ST8SIA4: variants seen among roughly 807,000 people sequenced by gnomAD.
ST8SIA4 encodes the protein CMP-N-acetylneuraminate-poly-alpha-2,8-sialyltransferase.
ST8SIA4 carries 15 observed loss-of-function variants against 33.9 expected under a neutral mutation model. That is an observed-to-expected ratio of 0.44 (90% confidence interval 0.30 to 0.68). The LOEUF is 0.68. ST8SIA4 is among the 30% of genes least tolerant of loss of function. The pLI is 0.10. For synonymous variants in ST8SIA4, 171 were observed against 151.2 expected, an observed-to-expected ratio of 1.13 and a Z score of -0.96; for missense variants, 321 against 428.0, an observed-to-expected ratio of 0.75 and a Z score of 2.21.
chr5:100,892,046 A>G (rs1410143554), intron 2 of ST8SIA4, among the ~76,000 whole-genome samples: 2 of 152,108 alleles, frequency 1.3e-5, no homozygotes, highest in African/African-American at 4.8e-5. Flanking sequence ...TCATGACACT[A>G]AGAGCTGAAA....
chr5:100,843,858 G>A (rs904643892), intron 4 of ST8SIA4, among the ~76,000 whole-genome samples: 1 of 151,788 alleles, frequency 6.6e-6, no homozygotes, highest in African/African-American at 2.4e-5. Context: ...CAACTTATTT[G>A]CCCCTAAGAA....
At chr5:100,885,597 T>A in intron 3 of ST8SIA4, 2 of 933,458 alleles carry the variant, frequency 2.1e-6, no homozygotes, top group Non-Finnish European at 2.6e-6. Flanking sequence ...ATTTAGCTAA[T>A]TTTTCTAAGG....
rs1306038759 is a variant in ST8SIA4, at chr5:100,897,621, T to A, written c.114-1836A>T. Among the ~76,000 whole-genome samples, 3 of 152,186 alleles carry A rather than the reference T, an allele frequency of 2.0e-5. No individual in the cohort carries two copies. The East Asian group carries it at 5.8e-4, about 29-fold the overall frequency. On this transcript the variant is annotated intron_variant, in intron 1 of 4. Transcript: ENST00000231461. ...CATTGCCTGTGTAACAGCTATTCGATGAATTCTGTAATTGAAGCCTTATAG... is the reference window on the plus strand; with the variant it reads ...CATTGCCTGTGTAACAGCTATTCGAAGAATTCTGTAATTGAAGCCTTATAG...
rs1179828874 is a variant in ST8SIA4, at chr5:100,809,472, A to T, written c.*2375T>A. 1 of 151,830 alleles carries T rather than the reference A, an allele frequency of 6.6e-6. No homozygotes were observed. Among genetic ancestry groups the T allele is most frequent in the Non-Finnish European group, 1.5e-5 (1 of 68,068 alleles). The allele number at this position is 151,830 out of a possible 1,614,324, so 9.4% of individuals were successfully genotyped here. On this transcript the variant is annotated 3_prime_UTR_variant, in exon 5 of 5. Coordinates refer to ENST00000231461, the MANE Select transcript of ST8SIA4 (RefSeq NM_005668.6). ...CTCAAAAAAAAAAAAAAAAGAAAAA[A>T]GAAAAAGGAAGAAAATATGCTAAAA...
intron 1 of ST8SIA4, among the ~76,000 whole-genome samples, chr5:100,899,528 T>G (rs908054782): frequency 6.6e-6 from 1 of 152,192 alleles, no homozygotes; most frequent in African/African-American, 2.4e-5. Flanking sequence ...GATTATTTAG[T>G]AATACAACCT....
At chr5:100,826,872 T>A (rs1328041949) in intron 4 of ST8SIA4, among the ~76,000 whole-genome samples, 1 of 151,654 alleles carries the variant, frequency 6.6e-6, no homozygotes, top group Non-Finnish European at 1.5e-5. Context: ...ATATAATACA[T>A]TAATACATCG....
intron 4 of ST8SIA4, among the ~76,000 whole-genome samples, chr5:100,813,268 C>A (rs1750850494): frequency 6.6e-6 from 1 of 151,938 alleles, no homozygotes; most frequent in African/African-American, 2.4e-5. Flanking sequence ...TAAATTTATA[C>A]TTTCAAACTT....
At chr5:100,895,099 A>G (rs1752752211) in intron 2 of ST8SIA4, among the ~76,000 whole-genome samples, 1 of 152,102 alleles carries the variant, frequency 6.6e-6, no homozygotes, top group South Asian at 2.1e-4. Context: ...TATGAGTTCA[A>G]GAGTGGGTTT....
chr5:100,846,543 G>C (rs1191229959), intron 4 of ST8SIA4, among the ~76,000 whole-genome samples: 1 of 151,952 alleles, frequency 6.6e-6, no homozygotes, highest in Non-Finnish European at 1.5e-5. Flanking sequence ...AGAATACAGA[G>C]AGCAGAAACC....
At chr5:100,845,408 T>G (rs1751547814) in intron 4 of ST8SIA4, among the ~76,000 whole-genome samples, 1 of 151,442 alleles carries the variant, frequency 6.6e-6, no homozygotes, top group South Asian at 2.1e-4. Context: ...ATATTAATTA[T>G]TTTACTATAT....
intron 3 of ST8SIA4, among the ~76,000 whole-genome samples, chr5:100,870,293 CT>C (rs1157469733): frequency 1.3e-5 from 2 of 152,028 alleles, no homozygotes; most frequent in Admixed American, 6.6e-5. Flanking sequence ...TGTGAATAGT[CT>C]TATCTTAAGA....
chr5:100,845,785 T>A (rs544515094), intron 4 of ST8SIA4, among the ~76,000 whole-genome samples: 88 of 152,144 alleles, frequency 5.8e-4, no homozygotes, highest in African/African-American at 2.1e-3. Context: ...AACACCATGA[T>A]AAATTAATAT....
At chr5:100,902,248 TA>T (rs2112490843) in intron 1 of ST8SIA4, among the ~76,000 whole-genome samples, 1 of 152,304 alleles carries the variant, frequency 6.6e-6, no homozygotes, top group Non-Finnish European at 1.5e-5. Flanking sequence ...AGTTTCTTTC[TA>T]AAACTGTAAC....
chr5:100,866,613 A>AC (rs1752067180), intron 3 of ST8SIA4, among the ~76,000 whole-genome samples: 4 of 139,680 alleles, frequency 2.9e-5, no homozygotes, highest in African/African-American at 1.1e-4. Flanking sequence ...CACACACACA[A>AC]ATACATATTA....
intron 4 of ST8SIA4, among the ~76,000 whole-genome samples, chr5:100,829,820 A>G (rs1234714603): frequency 1.3e-5 from 2 of 151,466 alleles, no homozygotes; most frequent in South Asian, 2.1e-4. Flanking sequence ...AGGCAGGAGA[A>G]TGGCGTGAAC....
intron 3 of ST8SIA4, among the ~76,000 whole-genome samples, chr5:100,865,641 CTT>C (rs1170018301): frequency 6.6e-6 from 1 of 152,086 alleles, no homozygotes; most frequent in African/African-American, 2.4e-5. Context: ...CCATAAACTT[CTT>C]GTTTTTTTCT....
intron 1 of ST8SIA4, among the ~76,000 whole-genome samples, chr5:100,901,461 G>T (rs1561412227): frequency 6.6e-6 from 1 of 152,084 alleles, no homozygotes. Flanking sequence ...TTGTCTGCCT[G>T]GCAAGCACAG....
In ST8SIA4 at chr5:100,816,418, T is replaced by C. The variant is rs1750918315; in HGVS notation, c.798-4289A>G. On this transcript the variant is annotated intron_variant, in intron 4 of 4. Coordinates refer to ENST00000231461, the MANE Select transcript of ST8SIA4 (RefSeq NM_005668.6). ...TACTAAGGAGAGCTCACATTCAATA[T>C]ATTGACAAACAAGGAATATTGGTTT... 1.0e-5 allele frequency: 5 copies of C among 498,598 alleles called. No individual in the cohort carries two copies. The Admixed American group carries it at 1.2e-4, about 12-fold the overall frequency. The allele number at this position is 498,598 out of a possible 1,614,324, so 30.9% of individuals were successfully genotyped here.
At chr5:100,883,257 A>G (rs1353069856) in intron 3 of ST8SIA4, among the ~76,000 whole-genome samples, 4 of 152,140 alleles carry the variant, frequency 2.6e-5, no homozygotes, top group Non-Finnish European at 5.9e-5. Context: ...ATCATTTTGG[A>G]GCTTTAAAAT....
Sources: gnomAD v4.1 joint callset for allele counts (sites outside exome capture counted in the v4.1 genomes callset) on GRCh38, gnomAD v4.1.1 for gene constraint, MANE v1.5 for transcripts, NCBI Gene and HGNC (gene_info 2026-07-23, HGNC 2026-07-21) for gene names.